The following AKAP6 variants were observed in gnomAD, a reference collection of about 807,000 sequenced individuals.
The protein encoded by AKAP6 is A-kinase anchor protein 6.
Under a neutral mutation model 188.5 loss-of-function variants are expected in AKAP6, and 58 were observed. That is an observed-to-expected ratio of 0.31 (90% CI 0.25 to 0.38). AKAP6 has a LOEUF of 0.38. Ranked by LOEUF, AKAP6 falls within the 10% of genes least tolerant of loss-of-function variation. The pLI is 1.00. For missense variants in AKAP6, 2,710 were observed against 2,740.0 expected, an observed-to-expected ratio of 0.99 and a Z score of 0.24; for synonymous variants, 989 against 998.6, an observed-to-expected ratio of 0.99 and a Z score of 0.18.
intron 11 of AKAP6, among the ~76,000 whole-genome samples, chr14:32,742,284 G>T (rs185933257): frequency 1.2e-3 from 179 of 151,344 alleles, no homozygotes; most frequent in African/African-American, 4.2e-3. Flanking sequence ...CTGCCTGAAG[G>T]TTTTTCAATT....
intron 8 of AKAP6, among the ~76,000 whole-genome samples, chr14:32,695,563 G>A (rs1890368577): frequency 1.3e-5 from 2 of 152,060 alleles, no homozygotes. Context: ...CTAGTAGAGG[G>A]GAAAGGGGTT....
intron 8 of AKAP6, among the ~76,000 whole-genome samples, chr14:32,679,379 G>A (rs1889576048): frequency 6.6e-6 from 1 of 152,016 alleles, no homozygotes; most frequent in South Asian, 2.1e-4. Context: ...TTTTAGACTT[G>A]TACCAGACAG....
intron 1 of AKAP6, among the ~76,000 whole-genome samples, chr14:32,365,497 T>C (rs1887804341): frequency 6.6e-6 from 1 of 152,138 alleles, no homozygotes; most frequent in African/African-American, 2.4e-5. Context: ...CATTTAATCC[T>C]CTTGATTACT....
chr14:32,793,699 C>G (rs996969309), intron 12 of AKAP6, among the ~76,000 whole-genome samples: 5 of 151,684 alleles, frequency 3.3e-5, no homozygotes, highest in Admixed American at 2.6e-4. Flanking sequence ...ACAGAACTTT[C>G]CACCCCAAAA....
chr14:32,558,847 C>A (rs748261806), intron 4 of AKAP6, among the ~76,000 whole-genome samples: 1 of 152,066 alleles, frequency 6.6e-6, no homozygotes, highest in Non-Finnish European at 1.5e-5. Flanking sequence ...CTTATGGATA[C>A]GACTTAGAAG....
At chr14:32,465,154 G>A (rs1878334967) in intron 2 of AKAP6, among the ~76,000 whole-genome samples, 1 of 152,092 alleles carries the variant, frequency 6.6e-6, no homozygotes, top group African/African-American at 2.4e-5. Flanking sequence ...CATGAAAATG[G>A]CCATACTGCC....
At chr14:32,603,289 G>T (rs1265768373) in intron 7 of AKAP6, among the ~76,000 whole-genome samples, 1 of 152,042 alleles carries the variant, frequency 6.6e-6, no homozygotes, top group Non-Finnish European at 1.5e-5. Context: ...GTGGGGCTAG[G>T]GTGGGAGTAT....
Position 32,484,336 on chromosome 14 carries a change from G to A in AKAP6, c.324+50519G>A, listed in dbSNP as rs1309554046. 2.9e-5 allele frequency: 4 copies of A among 138,846 alleles called. 2 individuals are homozygous for A. The highest frequency in any genetic ancestry group is 2.7e-4 in the Admixed American group (2 of 7,358). 8.6% of individuals were successfully genotyped at this position (138,846 alleles called of 1,614,324 possible). On this transcript the variant is annotated intron_variant, in intron 2 of 13. Coordinates refer to ENST00000280979, the MANE Select transcript of AKAP6 (RefSeq NM_004274.5). ...AGTTAATGGCTCCTAGGATAGAGGA[G>A]ATGCCTGCTAGATGCAAGGAGAAGA...
intron 7 of AKAP6, among the ~76,000 whole-genome samples, chr14:32,624,507 A>C (rs997884936): frequency 6.6e-6 from 1 of 152,190 alleles, no homozygotes; most frequent in African/African-American, 2.4e-5. Flanking sequence ...GGCAAGATGT[A>C]TAATTCAAAA....
intron 2 of AKAP6, among the ~76,000 whole-genome samples, chr14:32,464,553 T>C (rs548864875): frequency 6.6e-6 from 1 of 152,298 alleles, no homozygotes; most frequent in South Asian, 2.1e-4. Flanking sequence ...CATCCCTTCA[T>C]GCTAAAAACT....
chr14:32,493,038 G>A (rs1456115284), intron 2 of AKAP6, among the ~76,000 whole-genome samples: 2 of 152,122 alleles, frequency 1.3e-5, no homozygotes, highest in Non-Finnish European at 2.9e-5. Flanking sequence ...GTGGAAAGTC[G>A]GAACTGGGGT....
At chr14:32,595,012 A>G (rs922355419) in intron 5 of AKAP6, among the ~76,000 whole-genome samples, 3 of 152,122 alleles carry the variant, frequency 2.0e-5, no homozygotes, top group African/African-American at 4.8e-5. Context: ...ACTTAAAAAG[A>G]CAGAAGATTT....
At position 32,804,050 on chromosome 14, in the gene AKAP6, A is replaced by G. The variant is rs561266113; in HGVS notation, c.3589-17352A>G. 2.2e-3 allele frequency among the ~76,000 whole-genome samples: 333 copies of G among 152,322 alleles called. 1 individual carries two copies. The highest frequency in any genetic ancestry group is 3.8e-3 in the Non-Finnish European group (259 of 68,026). On this transcript the variant is annotated intron_variant, in intron 12 of 13. Coordinates refer to ENST00000280979, the MANE Select transcript of AKAP6 (RefSeq NM_004274.5). ...AACTGCAGTATCACCACCTTAGCCC[A>G]ACCTACCAGAATCTCTCATAAATGA...
chr14:32,518,093 T>C (rs1881617414), intron 2 of AKAP6, among the ~76,000 whole-genome samples: 1 of 152,110 alleles, frequency 6.6e-6, no homozygotes, highest in Admixed American at 6.5e-5. Context: ...GGTTCTGGAG[T>C]GGACCTCCAG....
chr14:32,704,310 T>G (rs1890726905), intron 9 of AKAP6, among the ~76,000 whole-genome samples: 1 of 152,324 alleles, frequency 6.6e-6, no homozygotes, highest in African/African-American at 2.4e-5. Context: ...GACTTTTACT[T>G]AATTAGATGG....
intron 11 of AKAP6, among the ~76,000 whole-genome samples, chr14:32,740,936 T>A (rs1439127751): frequency 6.6e-6 from 1 of 151,948 alleles, no homozygotes; most frequent in Non-Finnish European, 1.5e-5. Flanking sequence ...TGTATTGAAT[T>A]TGTAGATTGC....
At position 32,836,323 on chromosome 14, in the gene AKAP6, C is replaced by G. The variant is rs2034875294; in HGVS notation, c.*6518C>G. 1 of 152,144 alleles carries G rather than the reference C, an allele frequency of 6.6e-6. No homozygotes were observed. The highest frequency in any genetic ancestry group is 6.6e-5 in the Admixed American group (1 of 15,262). 9.4% of individuals were successfully genotyped at this position (152,144 alleles called of 1,614,324 possible). Reference sequence around the variant, plus strand: ...TTTCATTGATGCACCTTACTGCATCCTCATCTGGTGGAAGGGGCAGTGAAC... The same window carrying G: ...TTTCATTGATGCACCTTACTGCATCGTCATCTGGTGGAAGGGGCAGTGAAC... On this transcript the variant is annotated 3_prime_UTR_variant, in exon 14 of 14. Coordinates refer to ENST00000280979, the MANE Select transcript of AKAP6 (RefSeq NM_004274.5).
rs1204766509 is a variant in AKAP6, at chr14:32,830,950, T to G, written c.*1145T>G. 1 of 152,226 alleles carries G rather than the reference T, an allele frequency of 6.6e-6. No individual in the cohort carries two copies. Among genetic ancestry groups the G allele is most frequent in the African/African-American group, 2.4e-5 (1 of 41,462 alleles). 9.4% of individuals were successfully genotyped at this position (152,226 alleles called of 1,614,324 possible). ...CATTACCTAAACTAGAGACTAGACG[T>G]AAAGCCTTCAGTTTTCAAAATCTTT... is the stretch of plus-strand genomic sequence containing the variant. On this transcript the variant is annotated 3_prime_UTR_variant, in exon 14 of 14. Transcript: ENST00000280979.
At chr14:32,752,893 A>T (rs887298604) in intron 11 of AKAP6, among the ~76,000 whole-genome samples, 3 of 151,834 alleles carry the variant, frequency 2.0e-5, no homozygotes, top group African/African-American at 7.3e-5. Flanking sequence ...GCATTTCATT[A>T]TGTGTGTGTG....
Sources: allele counts gnomAD v4.1 joint callset (sites outside exome capture counted in the v4.1 genomes callset), GRCh38; gene constraint gnomAD v4.1.1; transcripts MANE v1.5; gene names NCBI Gene and HGNC (gene_info 2026-07-23, HGNC 2026-07-21).